Variants in TBC1D32 observed in about 807,000 individuals in gnomAD.
TBC1D32 encodes the protein TBC1 domain family member 32, also known as protein broad-minded.
TBC1D32 carries 151 observed loss-of-function variants against 170.3 expected under a neutral mutation model. The ratio of observed to expected loss-of-function variants is 0.89; its 90% CI spans 0.78 to 1.01. TBC1D32 has a LOEUF of 1.01. Ranked by LOEUF, TBC1D32 falls within the 50% of genes least tolerant of loss-of-function variation. The pLI is 0.00. For synonymous variants in TBC1D32, 498 were observed against 488.0 expected, an observed-to-expected ratio of 1.02 and a Z score of -0.27; for missense variants, 1,464 against 1,457.1, an observed-to-expected ratio of 1.00 and a Z score of -0.08.
intron 24 of TBC1D32, 139 bp from the exon 25 acceptor site, chr6:121,131,891 A>G (rs1023870250): frequency 1.8e-6 from 1 of 561,378 alleles, no homozygotes; most frequent in African/African-American, 1.9e-5. Flanking sequence ...TTCTTCTGTA[A>G]TTACATCTTA....
chr6:121,308,939 C>T (rs1807764636), intron 4 of TBC1D32, among the ~76,000 whole-genome samples: 1 of 152,040 alleles, frequency 6.6e-6, no homozygotes, highest in Non-Finnish European at 1.5e-5. Flanking sequence ...ACACTAATTC[C>T]AGCCTCATCC....
chr6:121,097,488 A>G (rs189462655), intron 30 of TBC1D32, among the ~76,000 whole-genome samples: 98 of 152,316 alleles, frequency 6.4e-4, no homozygotes, highest in South Asian at 4.1e-4. Context: ...CAAAACCACA[A>G]TGAGATACCA....
At chr6:121,230,656 T>TATATAC (rs386408444) in intron 20 of TBC1D32, among the ~76,000 whole-genome samples, 1 of 151,176 alleles carries the variant, frequency 6.6e-6, no homozygotes, top group African/African-American at 2.4e-5. Context: ...TATATATATA[T>TATATAC]ACATATATAC....
intron 20 of TBC1D32, 81 bp downstream of exon 20, chr6:121,238,989 G>T: frequency 3.0e-6 from 2 of 673,268 alleles, no homozygotes; most frequent in East Asian, 2.7e-5. Context: ...GGTTGTAACT[G>T]AATATGGATA....
chr6:121,086,066 A>G (rs976646365), intron 31 of TBC1D32, among the ~76,000 whole-genome samples: 1 of 152,138 alleles, frequency 6.6e-6, no homozygotes, highest in Admixed American at 6.5e-5. Flanking sequence ...CTTTGCTTGT[A>G]TTCTCTACAT....
chr6:121,139,679 T>C (rs1782557445), intron 24 of TBC1D32: 1 of 152,166 alleles, frequency 6.6e-6, no homozygotes. Flanking sequence ...TCAACATCTT[T>C]TAATGCAAAA....
At chr6:121,308,904 C>T (rs1192919320) in intron 4 of TBC1D32, among the ~76,000 whole-genome samples, 1 of 152,046 alleles carries the variant, frequency 6.6e-6, no homozygotes, top group Admixed American at 6.6e-5. Context: ...TTCTCCCACT[C>T]AATATCCAAG....
intron 22 of TBC1D32, chr6:121,170,606 T>C: frequency 9.8e-7 from 1 of 1,021,996 alleles, no homozygotes; most frequent in South Asian, 2.9e-5. Context: ...TGTCTCAAAG[T>C]AATACCTGTA....
At chr6:121,193,255 C>A (rs1846865) in intron 22 of TBC1D32, among the ~76,000 whole-genome samples, 96,968 of 152,086 alleles carry the variant, frequency 0.64, 36,645 homozygotes, top group Non-Finnish European at 0.84. Flanking sequence ...GCTTGATTAG[C>A]TGAAATACAG....
intron 17 of TBC1D32, among the ~76,000 whole-genome samples, chr6:121,251,510 A>C (rs769159829): frequency 2.6e-5 from 4 of 152,150 alleles, no homozygotes; most frequent in Admixed American, 6.5e-5. Context: ...ATATGCAGAA[A>C]ACTGAAACTA....
intron 20 of TBC1D32, 26 bp downstream of exon 20, chr6:121,239,044 G>GTAT (rs1796647202): frequency 5.4e-6 from 7 of 1,284,622 alleles, no homozygotes; most frequent in Non-Finnish European, 7.8e-6. Context: ...TCAAATCTGT[G>GTAT]TATTATTAGT....
At chr6:121,204,397 C>G (rs1791965590) in intron 22 of TBC1D32, among the ~76,000 whole-genome samples, 1 of 150,894 alleles carries the variant, frequency 6.6e-6, no homozygotes, top group African/African-American at 2.5e-5. Flanking sequence ...TCCCTCAAGT[C>G]TAAAAAAGTT....
chr6:121,217,711 G>T (rs938767058), intron 21 of TBC1D32, among the ~76,000 whole-genome samples: 1 of 152,086 alleles, frequency 6.6e-6, no homozygotes, highest in South Asian at 2.1e-4. Context: ...TAGTACCTGG[G>T]TGATGAAATA....
intron 22 of TBC1D32, chr6:121,170,539 A>G: frequency 2.0e-6 from 3 of 1,500,000 alleles, no homozygotes; most frequent in Non-Finnish European, 2.7e-6. Context: ...TATATAAAAA[A>G]GAAAAATAAA....
chr6:121,120,427 C>G (rs1780137559), intron 26 of TBC1D32, among the ~76,000 whole-genome samples: 2 of 151,948 alleles, frequency 1.3e-5, no homozygotes, highest in Admixed American at 1.3e-4. Context: ...TCCAATAAAG[C>G]AATGTGAAAA....
intron 24 of TBC1D32, among the ~76,000 whole-genome samples, chr6:121,149,474 A>G (rs769898469): frequency 7.9e-5 from 12 of 152,082 alleles, no homozygotes; most frequent in Non-Finnish European, 1.0e-4. Flanking sequence ...TTTTTGGCAT[A>G]TGGGGTCCAG....
At chr6:121,134,291 A>G (rs1189400220) in intron 24 of TBC1D32, among the ~76,000 whole-genome samples, 3 of 152,110 alleles carry the variant, frequency 2.0e-5, no homozygotes, top group Admixed American at 2.0e-4. Context: ...TAGCCCTTTC[A>G]TAGGCTATCT....
chr6:121,091,943 G>A (rs74735971), intron 30 of TBC1D32, among the ~76,000 whole-genome samples: 489 of 152,236 alleles, frequency 3.2e-3, no homozygotes, highest in African/African-American at 0.011. Flanking sequence ...GGAAGACAAT[G>A]AAAAGACACA....
chr6:121,092,031 GT>G (rs942894660), intron 30 of TBC1D32, among the ~76,000 whole-genome samples: 1 of 152,090 alleles, frequency 6.6e-6, no homozygotes, highest in Non-Finnish European at 1.5e-5. Flanking sequence ...CAGGAGAGAG[GT>G]AAGTAACAGT....
Sources: allele counts gnomAD v4.1 joint callset (sites outside exome capture counted in the v4.1 genomes callset), GRCh38; gene constraint gnomAD v4.1.1; transcripts MANE v1.5; gene names NCBI Gene and HGNC (gene_info 2026-07-23, HGNC 2026-07-21).